WDR41: variants seen among roughly 807,000 people sequenced by gnomAD.
WDR41 encodes WD repeat-containing protein 41.
A neutral mutation model predicts 69.3 loss-of-function variants in WDR41; 63 were observed. The observed-to-expected ratio is 0.91, with a 90% CI of 0.74 to 1.12. The LOEUF (loss-of-function observed/expected upper bound fraction) is 1.12, where lower values mean the gene tolerates loss of function less well. Among genes scored for constraint, WDR41 ranks in the 50% most tolerant of loss-of-function variants. WDR41 has a pLI of 0.00. For missense variants in WDR41, 543 were observed against 534.5 expected (o/e 1.02, Z -0.16); for synonymous variants, 185 against 192.1 (o/e 0.96, Z 0.31).
intron 8 of WDR41, among the ~76,000 whole-genome samples, chr5:77,446,629 A>G (rs562960344): frequency 1.2e-4 from 19 of 152,322 alleles, no homozygotes; most frequent in Admixed American, 3.9e-4. Flanking sequence ...CCACACATCT[A>G]CAGCCATCTG....
intron 2 of WDR41, among the ~76,000 whole-genome samples, chr5:77,487,372 T>C (rs1801569351): frequency 6.6e-6 from 1 of 152,128 alleles, no homozygotes; most frequent in Non-Finnish European, 1.5e-5. Context: ...CCCACAAAAA[T>C]GACCACTTTA....
chr5:77,481,264 T>G (rs564699351), intron 2 of WDR41, among the ~76,000 whole-genome samples: 2 of 151,548 alleles, frequency 1.3e-5, no homozygotes, highest in South Asian at 4.2e-4. Context: ...CGCCTTGGCC[T>G]CCCAAAGTTC....
At chr5:77,608,848 AG>A (rs1744480898) in intron 1 of WDR41, among the ~76,000 whole-genome samples, 5 of 152,224 alleles carry the variant, frequency 3.3e-5, no homozygotes, top group Admixed American at 3.3e-4. Context: ...AAGCAGGGCG[AG>A]GCATTGCCTC....
At chr5:77,474,632 G>C (rs1177849922) in intron 2 of WDR41, among the ~76,000 whole-genome samples, 1 of 152,122 alleles carries the variant, frequency 6.6e-6, no homozygotes, top group Non-Finnish European at 1.5e-5. Context: ...CCTTAAAAAA[G>C]AATGTATTAT....
intron 2 of WDR41, among the ~76,000 whole-genome samples, chr5:77,472,191 G>A (rs1264213062): frequency 1.3e-5 from 2 of 152,222 alleles, no homozygotes; most frequent in African/African-American, 2.4e-5. Flanking sequence ...TATCTCAACA[G>A]ATGCAGAAAA....
intron 12 of WDR41, among the ~76,000 whole-genome samples, chr5:77,435,967 T>A (rs1006646832): frequency 1.3e-5 from 2 of 152,208 alleles, no homozygotes; most frequent in Non-Finnish European, 2.9e-5. Context: ...TTTACTGTTG[T>A]CATATAGTCA....
chr5:77,459,692 A>G (rs1581718024), intron 4 of WDR41, among the ~76,000 whole-genome samples: 1 of 152,268 alleles, frequency 6.6e-6, no homozygotes, highest in African/African-American at 2.4e-5. Context: ...ACCATTTCCT[A>G]TAGTAAGAAA....
Position 77,432,974 on chromosome 5 carries a change from TGTTCCTG to T in WDR41, c.*154_*160del. On this transcript the variant is annotated 3_prime_UTR_variant, in exon 13 of 13. Transcript: ENST00000296679. ...ATATACTAGGACCTGAGAAGCAACA[TGTTCCTG>T]GTTGGTAGGTCCACAAAAAATTTAA... 2.9e-6 allele frequency: 2 copies of T among 682,312 alleles called. No homozygotes were observed. The highest frequency in any genetic ancestry group is 5.7e-5 in the East Asian group (2 of 34,900). The allele number at this position is 682,312 out of a possible 1,614,324, so 42.3% of individuals were successfully genotyped here.
Position 77,453,907 on chromosome 5 carries a change from G to C in WDR41, c.433C>G (p.Leu145Val), listed in dbSNP as rs572699452. The change falls in exon 6 of 13, where the codon CTA (leucine) becomes GTA (valine). Residue 145 changes from leucine to valine, a missense_variant. Transcript: ENST00000296679. ...TVKCLTVLQRLDVWLSGGNDL... is the reference protein window; with the variant it reads ...TVKCLTVLQRVDVWLSGGNDL... ...TTCCCACCAGAAAGCCAAACATCTA[G>C]TCTCTGAAGAACAGTTAAACACTGC... 96 of 1,613,896 alleles carry C rather than the reference G, an allele frequency of 5.9e-5. No individual in the cohort carries two copies. Among genetic ancestry groups the C allele is most frequent in the Non-Finnish European group, 7.7e-5 (91 of 1,179,966 alleles).
chr5:77,469,832 G>C (rs552022060), intron 2 of WDR41, among the ~76,000 whole-genome samples: 1 of 152,126 alleles, frequency 6.6e-6, no homozygotes, highest in Admixed American at 6.5e-5. Flanking sequence ...AGGGAGAATG[G>C]AACCAAGTTG....
At chr5:77,476,126 AAG>A (rs1491275350) in intron 2 of WDR41, among the ~76,000 whole-genome samples, 11 of 110,700 alleles carry the variant, frequency 9.9e-5, no homozygotes, top group African/African-American at 2.1e-4. Flanking sequence ...TAGAGAAAAA[AAG>A]AATAAAAAGA....
At chr5:77,498,430 T>A (rs1254780969) in intron 1 of WDR41, among the ~76,000 whole-genome samples, 1 of 152,190 alleles carries the variant, frequency 6.6e-6, no homozygotes, top group Non-Finnish European at 1.5e-5. Context: ...CATATCCAAA[T>A]AAATGTACTT....
chr5:77,463,327 A>C, intron 3 of WDR41, 101 bp from the exon 4 acceptor site: 1 of 1,058,426 alleles, frequency 9.4e-7, no homozygotes, highest in East Asian at 2.9e-5. Flanking sequence ...ATACATATAC[A>C]TTCCATTTAA....
At chr5:77,492,625 A>C, upstream of WDR41, 3 of 201,780 alleles carry the variant, frequency 1.5e-5, no homozygotes, top group Non-Finnish European at 2.0e-5. Flanking sequence ...ACGAAGAATA[A>C]TGCCCCTCCC....
chr5:77,480,374 C>T (rs1217505638), intron 2 of WDR41, among the ~76,000 whole-genome samples: 4 of 152,006 alleles, frequency 2.6e-5, no homozygotes, highest in Admixed American at 6.6e-5. Flanking sequence ...CACATGCATA[C>T]GTATGTTTAT....
intron 1 of WDR41, among the ~76,000 whole-genome samples, chr5:77,619,408 T>C (rs952919151): frequency 1.3e-5 from 2 of 152,196 alleles, no homozygotes; most frequent in Admixed American, 1.3e-4. Context: ...TCAGGTTTCA[T>C]TGTCTCAACC....
chr5:77,433,553 C>CTGATTCTTCCAGATTTTTTCATA (rs1561721942), intron 12 of WDR41, among the ~76,000 whole-genome samples: 1 of 152,000 alleles, frequency 6.6e-6, no homozygotes, highest in Non-Finnish European at 1.5e-5. Context: ...ATTTTTTCAT[C>CTGATTCTTCCAGATTTTTTCATA]ATCTGATTTT....
intron 1 of WDR41, among the ~76,000 whole-genome samples, chr5:77,611,576 A>G (rs1187863383): frequency 6.6e-6 from 1 of 152,280 alleles, no homozygotes; most frequent in Non-Finnish European, 1.5e-5. Flanking sequence ...TAACGAAATG[A>G]AGGCAGAAAT....
At chr5:77,437,206 T>A in intron 11 of WDR41, 130 bp downstream of exon 11, 1 of 756,590 alleles carries the variant, frequency 1.3e-6, no homozygotes. Context: ...ATATGCTTTC[T>A]ATAAACATCT....
Sources: gnomAD v4.1 joint callset for allele counts (sites outside exome capture counted in the v4.1 genomes callset) on GRCh38, gnomAD v4.1.1 for gene constraint, MANE v1.5 for transcripts, NCBI Gene and HGNC (gene_info 2026-07-23, HGNC 2026-07-21) for gene names.